The following ZNF354A variants were observed in gnomAD, a reference collection of about 807,000 sequenced individuals.
The protein encoded by ZNF354A is zinc finger protein 354A.
A neutral mutation model predicts 53.3 loss-of-function variants in ZNF354A; 25 were observed. That is an observed-to-expected ratio of 0.47 (90% CI 0.34 to 0.66). The LOEUF is 0.66. ZNF354A is among the 30% of genes least tolerant of loss of function. The pLI, the probability that ZNF354A is intolerant of heterozygous loss-of-function variation, is 0.01. For missense variants in ZNF354A, 586 were observed against 716.8 expected (o/e 0.82, Z 2.08); for synonymous variants, 228 against 249.0 (o/e 0.92, Z 0.79).
Position 178,712,985 on chromosome 5 carries a change from T to G in ZNF354A, c.893A>C (p.Tyr298Ser). 1 of 1,614,196 alleles carries G rather than the reference T, an allele frequency of 6.2e-7. No individual in the cohort carries two copies. ...GGATTTACCACATTCTTTACATCTG[T>G]AGGATTTCTCCACAGTATGGGTTCT... Reference protein sequence around the residue: ...HLRTHTVEKSYRCKECGKSFS... With the variant: ...HLRTHTVEKSSRCKECGKSFS... Residue 298 changes from tyrosine to serine, a missense_variant, in exon 5 of 5, where the codon TAC becomes TCC. This residue lies in a region of ZNF354A where 573 missense variants were observed against 680.1 expected (regional missense o/e 0.84). Transcript: ENST00000335815.
At chr5:178,724,059 G>A (rs1765860050) in intron 4 of ZNF354A, among the ~76,000 whole-genome samples, 1 of 151,858 alleles carries the variant, frequency 6.6e-6, no homozygotes, top group Non-Finnish European at 1.5e-5. Context: ...CCCACCTGAC[G>A]ACTTCACTCA....
Position 178,712,705 on chromosome 5 carries a change from G to A in ZNF354A, c.1173C>T (p.Phe391=). The A allele has an allele frequency of 6.2e-7, 1 of 1,613,640 alleles. No individual in the cohort carries two copies. The highest frequency in any genetic ancestry group is 8.5e-7 in the Non-Finnish European group (1 of 1,179,628). ...PFKCSECGRA[F]SQSASLIQHE... is the part of the protein sequence containing the mutation. ...GTTGAATAAGAGAGGCACTCTGGCT[G>A]AAGGCTCTCCCACATTCACTACATT... The change falls in exon 5 of 5, where the codon TTC becomes TTT. Residue 391 remains phenylalanine (F), a synonymous_variant. Transcript: ENST00000335815.
Position 178,729,072 on chromosome 5 carries a change from ATCTG to A in ZNF354A, c.-51-3_-51del. ...GGACGGCGCAGTCTCCAGAAGGCAG[ATCTG>A]AGAAGAAAAAGGGAGCCAGGAAGAA... On this transcript the variant is annotated splice_acceptor_variant and splice_polypyrimidine_tract_variant and 5_prime_UTR_variant and intron_variant, in exon 2 of 5. Coordinates refer to ENST00000335815, the MANE Select transcript of ZNF354A (RefSeq NM_005649.3). LOFTEE classifies it low-confidence loss of function (5UTR_SPLICE). 1 of 915,198 alleles carries A rather than the reference ATCTG, an allele frequency of 1.1e-6. No homozygotes were observed. The highest frequency in any genetic ancestry group is 2.3e-5 in the Admixed American group (1 of 42,908). The allele number at this position is 915,198 out of a possible 1,614,324, so 56.7% of individuals were successfully genotyped here.
In ZNF354A at chr5:178,725,370, A is replaced by G; in HGVS notation, c.256+6T>C. ...GGCCATTCCGCACCTCGGGCCACCC[A>G]CTTACCTAGAGAGGAGACGCCAGAA... On this transcript the variant is annotated splice_donor_region_variant and intron_variant, in intron 4 of 4. Coordinates refer to ENST00000335815, the MANE Select transcript of ZNF354A (RefSeq NM_005649.3). The G allele has an allele frequency of 1.2e-6, 2 of 1,613,328 alleles. No individual in the cohort carries two copies. The highest frequency in any genetic ancestry group is 1.3e-5 in the African/African-American group (1 of 74,998).
At chr5:178,722,190 T>C (rs1350451951) in intron 4 of ZNF354A, among the ~76,000 whole-genome samples, 1 of 152,172 alleles carries the variant, frequency 6.6e-6, no homozygotes, top group Non-Finnish European at 1.5e-5. Context: ...TTTCTTACTC[T>C]TACTGTAATG....
chr5:178,715,914 T>C (rs1581743004), intron 4 of ZNF354A, among the ~76,000 whole-genome samples: 1 of 125,438 alleles, frequency 8.0e-6, no homozygotes, highest in East Asian at 2.4e-4. Context: ...TTTTTTTTTT[T>C]GAGATGGAGT....
intron 4 of ZNF354A, 63 bp downstream of exon 4, chr5:178,725,313 T>C (rs1765883959): frequency 2.0e-6 from 3 of 1,521,772 alleles, no homozygotes; most frequent in South Asian, 2.2e-5. Context: ...CCAACGTTCC[T>C]ACCTCCTCTC....
In ZNF354A at chr5:178,722,387, C is replaced by T. The variant is rs112532428; in HGVS notation, c.256+2989G>A. 2.1e-3 allele frequency among the ~76,000 whole-genome samples: 324 copies of T among 152,316 alleles called. 2 individuals carry two copies. Among genetic ancestry groups the T allele is most frequent in the African/African-American group, 7.2e-3 (300 of 41,558 alleles). ...CAAAAACAGCTCAATTAATCTAAAA[C>T]CAAATTTACATCATCTCCAAATCTG... On this transcript the variant is annotated intron_variant, in intron 4 of 4. Transcript: ENST00000335815.
intron 3 of ZNF354A, chr5:178,726,102 A>G (rs1346204318): frequency 4.5e-6 from 2 of 442,360 alleles, no homozygotes; most frequent in Non-Finnish European, 9.2e-6. Flanking sequence ...TCGGCCTCCC[A>G]AAGTGCTGGG....
At chr5:178,723,547 C>A (rs1487156363) in intron 4 of ZNF354A, among the ~76,000 whole-genome samples, 1 of 152,224 alleles carries the variant, frequency 6.6e-6, no homozygotes, top group Non-Finnish European at 1.5e-5. Context: ...GTCCTTTGAT[C>A]CCAGGCCCTT....
At chr5:178,724,543 C>T (rs745413633) in intron 4 of ZNF354A, among the ~76,000 whole-genome samples, 26 of 152,228 alleles carry the variant, frequency 1.7e-4, no homozygotes, top group Middle Eastern at 6.8e-3. Context: ...CACTTTCAAA[C>T]ACGATGCTTC....
chr5:178,715,212 C>T (rs1425663280), intron 4 of ZNF354A, among the ~76,000 whole-genome samples: 1 of 152,204 alleles, frequency 6.6e-6, no homozygotes, highest in African/African-American at 2.4e-5. Context: ...TTTAAAGGGA[C>T]CATTTGTGTC....
chr5:178,717,437 A>G (rs1444365659), intron 4 of ZNF354A, among the ~76,000 whole-genome samples: 1 of 152,000 alleles, frequency 6.6e-6, no homozygotes, highest in African/African-American at 2.4e-5. Flanking sequence ...AAAGTTAGGG[A>G]TCATGCCTAG....
chr5:178,713,152 A>T lies in ZNF354A; in HGVS notation c.726T>A (p.Phe242Leu). Residue 242 changes from phenylalanine (F) to leucine (L), a missense_variant, in exon 5 of 5, where the codon TTT (phenylalanine) becomes TTA (leucine). Around this residue, in one of 2 missense-constraint regions of ZNF354A, gnomAD observed 573 missense variants for 680.1 expected, o/e 0.84. Transcript: ENST00000335815. ...HEKNHSGEKL[F>L]KCKECSKAFS... is the part of the protein sequence containing the mutation. ...AGGCTTTTGAACATTCTTTACACTTAAATAGTTTCTCTCCACTATGGTTTT... is the reference window on the plus strand; with the variant it reads ...AGGCTTTTGAACATTCTTTACACTTTAATAGTTTCTCTCCACTATGGTTTT... The T allele has an allele frequency of 6.2e-7, 1 of 1,614,108 alleles. No individual in the cohort carries two copies. Among genetic ancestry groups the T allele is most frequent in the Non-Finnish European group, 8.5e-7 (1 of 1,180,012 alleles).
Position 178,713,165 on chromosome 5 carries a change from C to T in ZNF354A, c.713G>A (p.Gly238Glu). The change falls in exon 5 of 5, where the codon GGA becomes GAA. Residue 238 changes from glycine to glutamate, a missense_variant. Coordinates refer to ENST00000335815, the MANE Select transcript of ZNF354A (RefSeq NM_005649.3). The part of the protein sequence containing the change: ...SLRKHEKNHS[G>E]EKLFKCKECS... ...TTCTTTACACTTAAATAGTTTCTCT[C>T]CACTATGGTTTTTCTCATGTTTACG... 1 of 1,614,136 alleles carries T rather than the reference C, an allele frequency of 6.2e-7. No individual in the cohort carries two copies. Among genetic ancestry groups the T allele is most frequent in the Non-Finnish European group, 8.5e-7 (1 of 1,180,026 alleles).
chr5:178,714,518 T>C (rs1765680943), intron 4 of ZNF354A, among the ~76,000 whole-genome samples: 1 of 152,210 alleles, frequency 6.6e-6, no homozygotes, highest in Admixed American at 6.5e-5. Flanking sequence ...TATAGTTCTA[T>C]ATCTATGTCT....
chr5:178,729,646 C>T (rs1397832111), intron 1 of ZNF354A, among the ~76,000 whole-genome samples: 4 of 151,692 alleles, frequency 2.6e-5, no homozygotes, highest in Non-Finnish European at 5.9e-5. Context: ...GCAAGCTCTG[C>T]CTCCCGGGTT....
At chr5:178,728,178 T>C (rs1765949761) in intron 2 of ZNF354A, among the ~76,000 whole-genome samples, 1 of 152,150 alleles carries the variant, frequency 6.6e-6, no homozygotes, top group Non-Finnish European at 1.5e-5. Context: ...TGTGACTTTG[T>C]TTTTTCTTGT....
chr5:178,717,142 A>C (rs1765731714), intron 4 of ZNF354A, among the ~76,000 whole-genome samples: 1 of 150,998 alleles, frequency 6.6e-6, no homozygotes, highest in Non-Finnish European at 1.5e-5. Flanking sequence ...GAGGTGGGGG[A>C]CAAATCCTCT....
Sources: gnomAD v4.1 joint callset for allele counts (sites outside exome capture counted in the v4.1 genomes callset) on GRCh38, gnomAD v4.1.1 for gene constraint, gnomAD v4.1.1 regional missense constraint, MANE v1.5 for transcripts, NCBI Gene and HGNC (gene_info 2026-07-23, HGNC 2026-07-21) for gene names.